The following PRKG1 variants were observed in gnomAD, a reference collection of about 807,000 sequenced individuals.
PRKG1 encodes protein kinase cGMP-dependent 1, also known as cGMP-dependent protein kinase 1.
PRKG1 carries 35 observed loss-of-function variants against 88.1 expected under a neutral mutation model. That is an observed-to-expected ratio of 0.40 (90% CI 0.30 to 0.53). The LOEUF (loss-of-function observed/expected upper bound fraction) is 0.53, where lower values mean the gene tolerates loss of function less well. PRKG1 is among the 20% of genes least tolerant of loss of function. PRKG1 has a pLI of 0.59. For synonymous variants in PRKG1, 303 were observed against 292.5 expected, an observed-to-expected ratio of 1.04 and a Z score of -0.37; for missense variants, 540 against 839.8, an observed-to-expected ratio of 0.64 and a Z score of 4.41.
intron 4 of PRKG1, among the ~76,000 whole-genome samples, chr10:51,881,090 A>G (rs1170675257): frequency 1.3e-5 from 2 of 152,142 alleles, no homozygotes; most frequent in Non-Finnish European, 2.9e-5. Flanking sequence ...TCAGGTAAAG[A>G]GGGCAGCATA....
chr10:50,996,322 C>T (rs912362268), intron 1 of PRKG1, among the ~76,000 whole-genome samples: 4 of 152,116 alleles, frequency 2.6e-5, no homozygotes, highest in Non-Finnish European at 4.4e-5. Flanking sequence ...ACCTAAATCT[C>T]GAAGAGTTTA....
chr10:51,209,165 T>A (rs918975653), intron 2 of PRKG1, among the ~76,000 whole-genome samples: 1 of 152,050 alleles, frequency 6.6e-6, no homozygotes, highest in East Asian at 1.9e-4. Context: ...TGACTAGTGT[T>A]GGCAAATGGA....
At position 52,192,315 on chromosome 10, in the gene PRKG1, TA is replaced by T. The variant is rs1468771012; in HGVS notation, c.1076+30353del. ...GATCAGCCATTTCTCAAGTAACCCT[TA>T]TTTCTTTTAGCCAGAAATGGTACTA... On this transcript the variant is annotated intron_variant, in intron 9 of 17. Transcript: ENST00000373980. 2.0e-5 allele frequency among the ~76,000 whole-genome samples: 3 copies of T among 152,180 alleles called. No individual in the cohort carries two copies. In the East Asian group the frequency reaches 5.8e-4, roughly 29 times the overall value.
At chr10:51,821,380 G>A (rs1839740976) in intron 4 of PRKG1, among the ~76,000 whole-genome samples, 1 of 151,858 alleles carries the variant, frequency 6.6e-6, no homozygotes. Context: ...TAAAATTTCT[G>A]GGTTATATAG....
At chr10:51,514,305 G>C (rs1472526429) in intron 3 of PRKG1, among the ~76,000 whole-genome samples, 1 of 152,008 alleles carries the variant, frequency 6.6e-6, no homozygotes. Context: ...TCTTTGTCTG[G>C]GTCGTGGTTA....
chr10:51,219,571 G>A (rs967641796), intron 2 of PRKG1, among the ~76,000 whole-genome samples: 20 of 151,958 alleles, frequency 1.3e-4, no homozygotes, highest in African/African-American at 4.6e-4. Flanking sequence ...TTACCCGGGT[G>A]TGGTGGCAGG....
chr10:51,038,988 A>C (rs958015723), intron 1 of PRKG1, among the ~76,000 whole-genome samples: 1 of 152,238 alleles, frequency 6.6e-6, no homozygotes, highest in African/African-American at 2.4e-5. Context: ...ATATGCAAAA[A>C]CAGGCTTGAA....
intron 3 of PRKG1, among the ~76,000 whole-genome samples, chr10:51,664,692 T>C (rs1840380856): frequency 2.0e-5 from 3 of 152,078 alleles, no homozygotes; most frequent in Non-Finnish European, 4.4e-5. Context: ...CAAAACTCCA[T>C]CTTTGTTAAG....
chr10:51,643,841 G>C (rs977879787), intron 3 of PRKG1, among the ~76,000 whole-genome samples: 1 of 152,006 alleles, frequency 6.6e-6, no homozygotes, highest in Non-Finnish European at 1.5e-5. Flanking sequence ...TCAAATGTAC[G>C]CAAAAATAAG....
At chr10:51,649,867 C>T (rs1839998108) in intron 3 of PRKG1, among the ~76,000 whole-genome samples, 1 of 152,146 alleles carries the variant, frequency 6.6e-6, no homozygotes, top group Non-Finnish European at 1.5e-5. Flanking sequence ...TTGCAGAAAG[C>T]AGCCAACTAG....
At chr10:51,468,067 A>G in intron 3 of PRKG1, 3 of 443,416 alleles carry the variant, frequency 6.8e-6, no homozygotes, top group Non-Finnish European at 1.2e-5. Context: ...CCTTTAATCA[A>G]TAACTTCTCA....
At chr10:52,058,590 T>C (rs1204611295) in intron 6 of PRKG1, among the ~76,000 whole-genome samples, 3 of 151,976 alleles carry the variant, frequency 2.0e-5, no homozygotes, top group African/African-American at 7.2e-5. Context: ...CAACAAATGG[T>C]GATGGAACCA....
chr10:51,778,963 T>C (rs1386827905), intron 3 of PRKG1, among the ~76,000 whole-genome samples: 2 of 152,154 alleles, frequency 1.3e-5, no homozygotes, highest in African/African-American at 2.4e-5. Context: ...TATGAAAAGA[T>C]GGTTGGTTTT....
At position 52,231,577 on chromosome 10, in the gene PRKG1, T is replaced by C. The variant is rs12264339; in HGVS notation, c.1077-19993T>C. Reference sequence around the variant, plus strand: ...TTTGCTTATTAAGCAAACTTTTGATTCACCATTACGCTAGGTAACAAATTT... The same window carrying C: ...TTTGCTTATTAAGCAAACTTTTGATCCACCATTACGCTAGGTAACAAATTT... On this transcript the variant is annotated intron_variant, in intron 9 of 17. Transcript: ENST00000373980. 8.0e-3 allele frequency among the ~76,000 whole-genome samples: 1,216 copies of C among 152,326 alleles called. 24 individuals are homozygous for C. The highest frequency in any genetic ancestry group is 0.028 in the African/African-American group (1,176 of 41,562).
At chr10:51,936,635 G>A (rs1439275968) in intron 5 of PRKG1, among the ~76,000 whole-genome samples, 4 of 151,954 alleles carry the variant, frequency 2.6e-5, no homozygotes, top group Non-Finnish European at 5.9e-5. Flanking sequence ...CATGCTGGGG[G>A]TAGAGAGTAT....
intron 4 of PRKG1, among the ~76,000 whole-genome samples, chr10:51,840,585 C>A (rs1449636432): frequency 6.6e-6 from 1 of 150,800 alleles, no homozygotes; most frequent in Non-Finnish European, 1.5e-5. Context: ...TCCCTTTTGT[C>A]ACCTAGGCTG....
chr10:52,097,127 G>T (rs1281314654), intron 7 of PRKG1, among the ~76,000 whole-genome samples: 4 of 152,136 alleles, frequency 2.6e-5, no homozygotes, highest in African/African-American at 9.7e-5. Context: ...TTAAGATACA[G>T]AATTGAAATT....
At chr10:52,194,174 T>C (rs376996715) in intron 9 of PRKG1, among the ~76,000 whole-genome samples, 8 of 152,140 alleles carry the variant, frequency 5.3e-5, no homozygotes, top group African/African-American at 1.9e-4. Context: ...CAATAACTAG[T>C]TCTTAACAGA....
At chr10:51,884,317 C>CT in intron 4 of PRKG1, among the ~76,000 whole-genome samples, 1 of 147,214 alleles carries the variant, frequency 6.8e-6, no homozygotes, top group South Asian at 2.2e-4. Flanking sequence ...TGGTGGCGCG[C>CT]GCCTGTAGTC....
Sources: gnomAD v4.1 joint callset for allele counts (sites outside exome capture counted in the v4.1 genomes callset) on GRCh38, gnomAD v4.1.1 for gene constraint, MANE v1.5 for transcripts, NCBI Gene and HGNC (gene_info 2026-07-23, HGNC 2026-07-21) for gene names.